Variants in LRG1 observed in about 807,000 individuals in gnomAD.
The protein encoded by LRG1 is leucine-rich alpha-2-glycoprotein.
In LRG1, 1 loss-of-function variant was observed where a neutral mutation model predicts 2.4. The observed-to-expected ratio is 0.41, with a 90% CI of 0.15 to 1.95. The LOEUF (loss-of-function observed/expected upper bound fraction) is 1.95, where lower values mean the gene tolerates loss of function less well. Ranked by LOEUF, LRG1 falls within the 30% of genes most tolerant of loss-of-function variation. The probability of loss-of-function intolerance (pLI) is 0.30; values close to 1 mark genes in which losing one functional copy is unlikely to be tolerated. For missense variants in LRG1, 425 were observed against 436.9 expected (o/e 0.97, Z 0.24); for synonymous variants, 226 against 210.6 (o/e 1.07, Z -0.63).
rs762576168 is a variant in LRG1 at position 4,538,059 on chromosome 19, C to T, written c.925G>A (p.Asp309Asn). The change falls in exon 2 of 2, where the codon GAC (aspartate) becomes AAC (asparagine). Residue 309 changes from aspartate (D) to asparagine (N), a missense_variant. Asp to Asn is a conservative substitution (Grantham distance 23). Transcript: ENST00000306390. ...NPWICDQNLS[D>N]LYRWLQAQKD... ...TGGGCCTGAAGCCAACGATAGAGGT[C>T]GCTCAGGTTCTGGTCACAGATCCAG... is the stretch of plus-strand genomic sequence containing the variant. 2.2e-5 allele frequency: 35 copies of T among 1,614,082 alleles called. No homozygotes were observed. Among genetic ancestry groups the T allele is most frequent in the East Asian group, 4.5e-5 (2 of 44,898 alleles).
chr19:4,539,397 C>A (rs1220426876), intron 1 of LRG1, among the ~76,000 whole-genome samples: 3 of 152,250 alleles, frequency 2.0e-5, no homozygotes, highest in Non-Finnish European at 1.5e-5. Flanking sequence ...CCAATGCCCT[C>A]TTTTCCATGA....
At chr19:4,539,402 C>A (rs1976987390) in intron 1 of LRG1, among the ~76,000 whole-genome samples, 1 of 152,202 alleles carries the variant, frequency 6.6e-6, no homozygotes, top group East Asian at 1.9e-4. Context: ...GCCCTCTTTT[C>A]CATGAAGACT....
At position 4,538,251 on chromosome 19, in the gene LRG1, C is replaced by T. The variant is rs760661098; in HGVS notation, c.733G>A (p.Gly245Ser). Residue 245 changes from glycine (G) to serine (S), a missense_variant, in exon 2 of 2, where the codon GGC (glycine) becomes AGC (serine). Coordinates refer to ENST00000306390, the MANE Select transcript of LRG1 (RefSeq NM_052972.3). Reference sequence around the variant, plus strand: ...GCTGCCACCCTGGCCAGCTTGTTGCCGTTCAGGAAGAGGTAGCGCAGGTCC... The same window carrying T: ...GCTGCCACCCTGGCCAGCTTGTTGCTGTTCAGGAAGAGGTAGCGCAGGTCC... Reference protein sequence around the residue: ...QPDLRYLFLNGNKLARVAAGA... With the variant: ...QPDLRYLFLNSNKLARVAAGA... 24 of 1,613,968 alleles carry T rather than the reference C, an allele frequency of 1.5e-5. No individual in the cohort carries two copies. The highest frequency in any genetic ancestry group is 3.3e-5 in the Admixed American group (2 of 60,008).
Position 4,539,968 on chromosome 19 carries a change from G to C in LRG1, c.32+14C>G, listed in dbSNP as rs778799716. The C allele has an allele frequency of 6.2e-7, 1 of 1,614,056 alleles. No homozygotes were observed. The highest frequency in any genetic ancestry group is 1.3e-5 in the African/African-American group (1 of 74,940). On this transcript the variant is annotated intron_variant, in intron 1 of 1. Transcript: ENST00000306390. ...CGTTCAAACCTGCCTAGGACAGGTA[G>C]TGTGGGGACCTACCTTTTTGGTCGC...
rs774410336 is a variant in LRG1 at position 4,537,939 on chromosome 19, C to T, written c.*1G>A. 1.2e-6 allele frequency: 2 copies of T among 1,605,436 alleles called. No individual in the cohort carries two copies. The highest frequency in any genetic ancestry group is 1.7e-6 in the Non-Finnish European group (2 of 1,174,246). On this transcript the variant is annotated 3_prime_UTR_variant, in exon 2 of 2. Coordinates refer to ENST00000306390, the MANE Select transcript of LRG1 (RefSeq NM_052972.3). ...CCCACCCTCAACCCAAGCCCCTGGT[C>T]TCACTGGGACTTGGCCACTGCCAGG... is the stretch of plus-strand genomic sequence containing the variant.
rs1976963528 is a variant in LRG1 at position 4,537,937 on chromosome 19, G to C, written c.*3C>G. 6.2e-7 allele frequency: 1 copy of C among 1,605,186 alleles called. No individual in the cohort carries two copies. The highest frequency in any genetic ancestry group is 8.5e-7 in the Non-Finnish European group (1 of 1,174,186). On this transcript the variant is annotated 3_prime_UTR_variant, in exon 2 of 2. Coordinates refer to ENST00000306390, the MANE Select transcript of LRG1 (RefSeq NM_052972.3). ...CCCCCACCCTCAACCCAAGCCCCTGGTCTCACTGGGACTTGGCCACTGCCA... is the reference window on the plus strand; with the variant it reads ...CCCCCACCCTCAACCCAAGCCCCTGCTCTCACTGGGACTTGGCCACTGCCA...
rs1292308269 is a variant in LRG1 at position 4,538,094 on chromosome 19, G to C, written c.890C>G (p.Ser297Cys). ...CTGGTCACAGATCCAGGGGTTGCCG[G>C]AGATGTCGAAGCCATCCCGCATGTC... ...NWDMRDGFDI[S>C]GNPWICDQNL... The change falls in exon 2 of 2, where the codon TCC becomes TGC. Residue 297 changes from serine to cysteine, a missense_variant. Coordinates refer to ENST00000306390, the MANE Select transcript of LRG1 (RefSeq NM_052972.3). The C allele has an allele frequency of 6.2e-7, 1 of 1,614,078 alleles. No homozygotes were observed. Among genetic ancestry groups the C allele is most frequent in the Non-Finnish European group, 8.5e-7 (1 of 1,180,050 alleles).
chr19:4,539,089 T>A (rs901241749), intron 1 of LRG1, 138 bp from the exon 2 acceptor site: 2 of 782,544 alleles, frequency 2.6e-6, no homozygotes, highest in African/African-American at 3.5e-5. Flanking sequence ...ATCTCTCACC[T>A]GTACTAGGGC....
Position 4,538,888 on chromosome 19 carries a change from T to C in LRG1, c.96A>G (p.Ser32=), listed in dbSNP as rs1176266311. ...TGGGGCTCAGGGTGACCCCCCAGGC[T>C]GAGGCTGCCAACAGCAGCAGCAGGA... The part of the protein sequence containing the change: ...TLFLLLLLAA[S]AWGVTLSPKD... The change falls in exon 2 of 2, where the codon TCA becomes TCG. Residue 32 remains serine, a synonymous_variant. Coordinates refer to ENST00000306390, the MANE Select transcript of LRG1 (RefSeq NM_052972.3). 1.4e-5 allele frequency: 21 copies of C among 1,523,774 alleles called. No homozygotes were observed. The African/African-American group carries it at 2.5e-4, about 18-fold the overall frequency. The allele number at this position is 1,523,774 out of a possible 1,614,324, so 94.4% of individuals were successfully genotyped here.
chr19:4,539,119 T>A (rs1976984957), intron 1 of LRG1, 168 bp from the exon 2 acceptor site: 1 of 509,834 alleles, frequency 2.0e-6, no homozygotes, highest in African/African-American at 2.0e-5. Flanking sequence ...CTCCTCCTCT[T>A]CCAGCTTCTA....
chr19:4,539,810 GGTGT>G (rs750115760), intron 1 of LRG1, among the ~76,000 whole-genome samples, 168 bp downstream of exon 1: 1 of 151,652 alleles, frequency 6.6e-6, no homozygotes, highest in Admixed American at 6.6e-5. Flanking sequence ...CTTCTGTAGG[GGTGT>G]GTGTGTGTGT....
chr19:4,539,116 T>A, intron 1 of LRG1, 165 bp from the exon 2 acceptor site: 1 of 508,966 alleles, frequency 2.0e-6, no homozygotes, highest in Admixed American at 3.9e-5. Flanking sequence ...TTCCTCCTCC[T>A]CTTCCAGCTT....
chr19:4,537,844 G>C lies in LRG1; in HGVS notation c.*96C>G, dbSNP rs1976962047. The C allele has an allele frequency of 7.2e-7, 1 of 1,396,490 alleles. No homozygotes were observed. The highest frequency in any genetic ancestry group is 9.6e-7 in the Non-Finnish European group (1 of 1,045,768). The allele number at this position is 1,396,490 out of a possible 1,614,324, so 86.5% of individuals were successfully genotyped here. ...GGCCTCCCAAAGTGCTGGGATTACA[G>C]GCGTGAGCCCCCGCACCCGGCCAAA... On this transcript the variant is annotated 3_prime_UTR_variant, in exon 2 of 2. Coordinates refer to ENST00000306390, the MANE Select transcript of LRG1 (RefSeq NM_052972.3).
Position 4,538,955 on chromosome 19 carries a change from C to CA in LRG1, c.33-5dup. On this transcript the variant is annotated splice_region_variant and splice_polypyrimidine_tract_variant and intron_variant, in intron 1 of 1. Coordinates refer to ENST00000306390, the MANE Select transcript of LRG1 (RefSeq NM_052972.3). ...ATGGGGTTGAATGCCCCCTGGGCTG[C>CA]AGGCAGTAACAGAAGATGCTTACTA... 2 of 1,498,458 alleles carry CA rather than the reference C, an allele frequency of 1.3e-6. No homozygotes were observed. The highest frequency in any genetic ancestry group is 1.8e-6 in the Non-Finnish European group (2 of 1,122,316). 92.8% of individuals were successfully genotyped at this position (1,498,458 alleles called of 1,614,324 possible).
At position 4,538,235 on chromosome 19, in the gene LRG1, C is replaced by T; in HGVS notation, c.749G>A (p.Arg250Lys). 6.2e-7 allele frequency: 1 copy of T among 1,614,104 alleles called. No individual in the cohort carries two copies. Among genetic ancestry groups the T allele is most frequent in the Non-Finnish European group, 8.5e-7 (1 of 1,180,032 alleles). The change falls in exon 2 of 2, where the codon AGG becomes AAG. Residue 250 changes from arginine to lysine, a missense_variant. By Grantham distance (26) the Arg-to-Lys change is conservative. Coordinates refer to ENST00000306390, the MANE Select transcript of LRG1 (RefSeq NM_052972.3). The part of the protein sequence containing the change: ...YLFLNGNKLA[R>K]VAAGAFQGLR... ...GCCCTGGAAGGCACCGGCTGCCACC[C>T]TGGCCAGCTTGTTGCCGTTCAGGAA...
chr19:4,538,372 T>G lies in LRG1; in HGVS notation c.612A>C (p.Pro204=), dbSNP rs1263500089. ...GCAGCGGACCCCTCAGGAGGTCAGG[T>G]GGCAAGGTCTCCAACTGGTTCTCCC... ...DLGENQLETL[P]PDLLRGPLQL... Residue 204 remains proline, a synonymous_variant, in exon 2 of 2, where the codon CCA becomes CCC. Transcript: ENST00000306390. 6 of 1,614,042 alleles carry G rather than the reference T, an allele frequency of 3.7e-6. No individual in the cohort carries two copies. Among genetic ancestry groups the G allele is most frequent in the East Asian group, 2.2e-5 (1 of 44,884 alleles).
Position 4,538,817 on chromosome 19 carries a change from C to G in LRG1, c.167G>C (p.Cys56Ser), listed in dbSNP as rs1976980490. The change falls in exon 2 of 2, where the codon TGT becomes TCT. Residue 56 changes from cysteine to serine, a missense_variant. By Grantham distance (112) the Cys-to-Ser change is moderately radical. Transcript: ENST00000306390. ...GCCGGGGATTTCGGCAGGTGGTTGA[C>G]AGGAGATGGAGCTGCCATGGTCTGA... ...FRSDHGSSIS[C>S]QPPAEIPGYL... 1 of 1,601,138 alleles carries G rather than the reference C, an allele frequency of 6.2e-7. No individual in the cohort carries two copies. Among genetic ancestry groups the G allele is most frequent in the Non-Finnish European group, 8.5e-7 (1 of 1,170,792 alleles).
rs750105391 is a variant in LRG1 at position 4,538,713 on chromosome 19, C to A, written c.271G>T (p.Ala91Ser). Residue 91 changes from alanine to serine, a missense_variant, in exon 2 of 2, where the codon GCC (alanine) becomes TCC (serine). By Grantham distance (99) the Ala-to-Ser change is moderately conservative. Transcript: ENST00000306390. ...AGGTGCAATTCTTGGAGCTTAGAGG[C>A]GCCCTGGAGGAGGTTGGCTGGCAGG... ...THLPANLLQG[A>S]SKLQELHLSS... is the part of the protein sequence containing the mutation. 13 of 1,607,918 alleles carry A rather than the reference C, an allele frequency of 8.1e-6. No homozygotes were observed. The highest frequency in any genetic ancestry group is 1.3e-5 in the African/African-American group (1 of 74,946).
chr19:4,538,551 G>C lies in LRG1; in HGVS notation c.433C>G (p.Leu145Val), dbSNP rs146014281. ...TCCAGCTGGTTTTCTTTCAATACCA[G>C]GGTGTCCAGGGTGGCTGAGGCCTGG... ...LFQASATLDT[L>V]VLKENQLEVL... is the part of the protein sequence containing the mutation. Residue 145 changes from leucine (L) to valine (V), a missense_variant, in exon 2 of 2, where the codon CTG becomes GTG. Physicochemically the swap from Leu to Val is conservative, Grantham distance 32. Coordinates refer to ENST00000306390, the MANE Select transcript of LRG1 (RefSeq NM_052972.3). The C allele has an allele frequency of 1.8e-4, 289 of 1,613,542 alleles. 1 individual carries two copies. Among genetic ancestry groups the C allele is most frequent in the Non-Finnish European group, 2.1e-4 (246 of 1,180,016 alleles).
Sources: gnomAD v4.1 joint callset for allele counts (sites outside exome capture counted in the v4.1 genomes callset) on GRCh38, gnomAD v4.1.1 for gene constraint, MANE v1.5 for transcripts, NCBI Gene and HGNC (gene_info 2026-07-23, HGNC 2026-07-21) for gene names.